Variants in VASH2 observed in about 807,000 individuals in gnomAD.
The protein encoded by VASH2 is vasohibin 2.
Under a neutral mutation model 37.2 loss-of-function variants are expected in VASH2, and 28 were observed. The ratio of observed to expected loss-of-function variants is 0.75; its 90% CI spans 0.56 to 1.03. VASH2 has a LOEUF of 1.03. Among genes scored for constraint, VASH2 ranks in the 50% least tolerant of loss-of-function variants. The probability of loss-of-function intolerance (pLI) is 0.00; values close to 1 mark genes in which losing one functional copy is unlikely to be tolerated. For missense variants in VASH2, 419 were observed against 459.1 expected (o/e 0.91, Z 0.80); for synonymous variants, 188 against 174.7 (o/e 1.08, Z -0.60).
At chr1:212,984,681 C>T (rs76832873) in intron 7 of VASH2, among the ~76,000 whole-genome samples, 3 of 152,162 alleles carry the variant, frequency 2.0e-5, no homozygotes, top group African/African-American at 7.2e-5. Flanking sequence ...TTCAGAAACT[C>T]GGATGAGCTA....
chr1:212,951,167 G>C lies in VASH2; in HGVS notation c.-204-172G>C, dbSNP rs571617969. On this transcript the variant is annotated intron_variant, in intron 1 of 7. Transcript: ENST00000517399. This position sits in a 1 kb window ranked among gnomAD's most constrained non-coding sequence, Gnocchi z 4.4. ...TGTGTGAAGCTTCGTGGCACATTTT[G>C]AGCTGCCTTTCTAGGTAATCGCAGG... The C allele has an allele frequency of 1.3e-5, 2 of 152,386 alleles. No homozygotes were observed. Among genetic ancestry groups the C allele is most frequent in the African/African-American group, 4.8e-5 (2 of 41,448 alleles). The allele number at this position is 152,386 out of a possible 1,614,324, so 9.4% of individuals were successfully genotyped here. A position where few individuals can be genotyped will look rare whatever the true frequency, so the allele number is the denominator to read the frequency against.
At chr1:212,967,258 T>C (rs534581995) in intron 5 of VASH2, 3 of 1,292,090 alleles carry the variant, frequency 2.3e-6, no homozygotes, top group Admixed American at 4.6e-5. Context: ...CCACCTCCCT[T>C]ACACAATAGT....
intron 2 of VASH2, among the ~76,000 whole-genome samples, chr1:212,957,420 C>T (rs1019103729): frequency 2.0e-5 from 3 of 152,090 alleles, no homozygotes; most frequent in Non-Finnish European, 4.4e-5. Context: ...CCAATGCATC[C>T]CCAGGGAGCA....
chr1:212,963,731 A>C (rs1666752464), intron 3 of VASH2, among the ~76,000 whole-genome samples: 1 of 152,024 alleles, frequency 6.6e-6, no homozygotes, highest in Non-Finnish European at 1.5e-5. Context: ...CTCAATGATT[A>C]ACTCTAAGGA....
chr1:212,953,199 T>C (rs2935214), intron 2 of VASH2, among the ~76,000 whole-genome samples: 53,396 of 151,822 alleles, frequency 0.35, 11,072 homozygotes, highest in Non-Finnish European at 0.47. Flanking sequence ...ATTGTGCTTT[T>C]ATCCTTCCTC....
chr1:212,973,945 TCTC>T lies in VASH2; in HGVS notation c.880-7_880-5del. 1 of 1,612,490 alleles carries T rather than the reference TCTC, an allele frequency of 6.2e-7. No homozygotes were observed. Among genetic ancestry groups the T allele is most frequent in the Non-Finnish European group, 8.5e-7 (1 of 1,179,308 alleles). The stretch of plus-strand genomic sequence containing the variant: ...GAACCAGGGTGATTAACTCCTCACA[TCTC>T]CTTCAGATCCTGAAACCTGCAAGTG... On this transcript the variant is annotated splice_polypyrimidine_tract_variant and splice_region_variant and intron_variant, in intron 6 of 7. Coordinates refer to ENST00000517399, the MANE Select transcript of VASH2 (RefSeq NM_001301056.2).
In VASH2 at chr1:212,961,209, T is replaced by A. The variant is rs1303466914; in HGVS notation, c.320T>A (p.Ile107Asn). Reference protein sequence around the residue: ...QVPNYRLSMTIPDWLQAIQNY... With the variant: ...QVPNYRLSMTNPDWLQAIQNY... ...CCAAACTACAGGCTGTCGATGACGATCCCAGACTGGCTCCAGGCGATCCAG... is the reference window on the plus strand; with the variant it reads ...CCAAACTACAGGCTGTCGATGACGAACCCAGACTGGCTCCAGGCGATCCAG... The change falls in exon 3 of 8, where the codon ATC (isoleucine) becomes AAC (asparagine). Residue 107 changes from isoleucine (I) to asparagine (N), a missense_variant. By Grantham distance (149) the Ile-to-Asn change is moderately radical. Transcript: ENST00000517399. 1 of 1,614,168 alleles carries A rather than the reference T, an allele frequency of 6.2e-7. No homozygotes were observed. Among genetic ancestry groups the A allele is most frequent in the East Asian group, 2.2e-5 (1 of 44,884 alleles).
At chr1:212,978,456 C>T (rs1025977159) in intron 7 of VASH2, among the ~76,000 whole-genome samples, 6 of 152,214 alleles carry the variant, frequency 3.9e-5, no homozygotes, top group African/African-American at 1.4e-4. Flanking sequence ...TCTCTTCCAT[C>T]ACCCTCCTCC....
At position 212,965,463 on chromosome 1, in the gene VASH2, A is replaced by C. The variant is rs527780792; in HGVS notation, c.366-259A>C. On this transcript the variant is annotated intron_variant, in intron 3 of 7. Transcript: ENST00000517399. The stretch of plus-strand genomic sequence containing the variant: ...AGTAGGTGAATTAAGACAAATAGTC[A>C]ACTACCCGGAATACAGAGCAGATTG... Among the ~76,000 whole-genome samples the C allele has an allele frequency of 3.9e-5, 6 of 152,350 alleles. No homozygotes were observed. The South Asian group carries it at 1.0e-3, about 26-fold the overall frequency.
chr1:212,983,383 C>G (rs769861006), intron 7 of VASH2, among the ~76,000 whole-genome samples: 1 of 152,148 alleles, frequency 6.6e-6, no homozygotes, highest in Non-Finnish European at 1.5e-5. Flanking sequence ...GTTGCACTGT[C>G]CCATGACAGA....
intron 7 of VASH2, among the ~76,000 whole-genome samples, chr1:212,976,873 G>A (rs1445900993): frequency 1.3e-5 from 2 of 152,200 alleles, no homozygotes; most frequent in Non-Finnish European, 2.9e-5. Flanking sequence ...TGCAGGAAGA[G>A]GGCATTCTCC....
At chr1:212,961,052 T>C in intron 2 of VASH2, 114 bp from the exon 3 acceptor site, 1 of 981,592 alleles carries the variant, frequency 1.0e-6, no homozygotes, top group Non-Finnish European at 1.6e-6. Context: ...CATGCTGCCA[T>C]CGGCTCTCAG....
chr1:212,986,783 A>G (rs1667490408), intron 7 of VASH2, among the ~76,000 whole-genome samples: 1 of 152,204 alleles, frequency 6.6e-6, no homozygotes, highest in African/African-American at 2.4e-5. Flanking sequence ...ACTGGCAGTC[A>G]GCTGTGTTAA....
chr1:212,951,889 A>G lies in VASH2; in HGVS notation c.276+71A>G, dbSNP rs780944156. ...CAGCGATGGGACCGTTTCAGCCTAT[A>G]CATAGCAAACACAGGCAATCTCCAT... On this transcript the variant is annotated intron_variant, in intron 2 of 7. Coordinates refer to ENST00000517399, the MANE Select transcript of VASH2 (RefSeq NM_001301056.2). This position sits in a 1 kb window ranked among gnomAD's most constrained non-coding sequence, Gnocchi z 4.4. 2.7e-6 allele frequency: 4 copies of G among 1,483,188 alleles called. No individual in the cohort carries two copies. Among genetic ancestry groups the G allele is most frequent in the East Asian group, 4.7e-5 (2 of 42,792 alleles). 91.9% of individuals were successfully genotyped at this position (1,483,188 alleles called of 1,614,324 possible). A position where few individuals can be genotyped will look rare whatever the true frequency, so the allele number is the denominator to read the frequency against.
At chr1:212,983,255 G>A (rs571598729) in intron 7 of VASH2, among the ~76,000 whole-genome samples, 10 of 152,268 alleles carry the variant, frequency 6.6e-5, no homozygotes, top group South Asian at 2.1e-4. Context: ...ATTTTGTGTC[G>A]CTGTAACAGA....
rs146136872 is a variant in VASH2, at chr1:212,972,892, C to T, written c.810C>T (p.Asn270=). The change falls in exon 6 of 8, where the codon AAC becomes AAT. Residue 270 remains asparagine, a synonymous_variant. Transcript: ENST00000517399. The part of the protein sequence containing the change: ...QPIEWKQLVL[N]VSKMLRADIR... ...TTGAGTGGAAGCAGCTGGTCCTCAA[C>T]GTCTCAAAGATGCTGAGGGCTGACA... 3.9e-4 allele frequency: 636 copies of T among 1,613,970 alleles called. 1 individual carries two copies. Among genetic ancestry groups the T allele is most frequent in the Non-Finnish European group, 5.0e-4 (590 of 1,180,032 alleles).
intron 7 of VASH2, among the ~76,000 whole-genome samples, chr1:212,978,636 A>C (rs929032026): frequency 6.6e-6 from 1 of 152,206 alleles, no homozygotes; most frequent in Non-Finnish European, 1.5e-5. Context: ...CCTTCCTCCC[A>C]GGTAAACATT....
intron 3 of VASH2, among the ~76,000 whole-genome samples, chr1:212,963,021 G>A (rs78602021): frequency 6.6e-6 from 1 of 151,370 alleles, no homozygotes; most frequent in African/African-American, 2.4e-5. Flanking sequence ...AGGCTTTAAG[G>A]TTCCCCACTT....
At chr1:212,980,527 G>C (rs1667311854) in intron 7 of VASH2, among the ~76,000 whole-genome samples, 1 of 152,116 alleles carries the variant, frequency 6.6e-6, no homozygotes, top group Non-Finnish European at 1.5e-5. Context: ...TGGACACCCT[G>C]GGGGTCCCAG....
Sources: allele counts gnomAD v4.1 joint callset (sites outside exome capture counted in the v4.1 genomes callset), GRCh38; gene constraint gnomAD v4.1.1; non-coding constraint Gnocchi (gnomAD v3.1); transcripts MANE v1.5; gene names NCBI Gene and HGNC (gene_info 2026-07-23, HGNC 2026-07-21).